The following ESCO1 variants were observed in gnomAD, a reference collection of about 807,000 sequenced individuals.
ESCO1 encodes the protein establishment of sister chromatid cohesion N-acetyltransferase 1.
Under a neutral mutation model 83.5 loss-of-function variants are expected in ESCO1, and 33 were observed. The ratio of observed to expected loss-of-function variants is 0.40; its 90% confidence interval spans 0.30 to 0.53. The LOEUF (loss-of-function observed/expected upper bound fraction) is 0.53. Ranked by LOEUF, ESCO1 falls within the 20% of genes least tolerant of loss-of-function variation. The probability of loss-of-function intolerance (pLI) is 0.63; values close to 1 mark genes in which losing one functional copy is unlikely to be tolerated. For missense variants in ESCO1, 855 were observed against 968.0 expected (o/e 0.88, Z 1.55); for synonymous variants, 332 against 324.3 (o/e 1.02, Z -0.25).
chr18:21,532,716 A>G, intron 10 of ESCO1, 56 bp from the exon 11 acceptor site: 1 of 1,540,810 alleles, frequency 6.5e-7, no homozygotes, highest in Admixed American at 1.8e-5. Flanking sequence ...TTAGCAACTA[A>G]TACTGATCTG....
chr18:21,587,663 G>A (rs1285669681), intron 1 of ESCO1, among the ~76,000 whole-genome samples: 1 of 152,232 alleles, frequency 6.6e-6, no homozygotes, highest in East Asian at 1.9e-4. Flanking sequence ...GTAGCCAGGT[G>A]TAGTAGCTCA....
intron 1 of ESCO1, among the ~76,000 whole-genome samples, chr18:21,600,375 G>A (rs1454974105): frequency 6.6e-6 from 1 of 152,256 alleles, no homozygotes; most frequent in Non-Finnish European, 1.5e-5. Context: ...GCAAACAGCG[G>A]CAGGTGGTGC....
intron 4 of ESCO1, among the ~76,000 whole-genome samples, chr18:21,569,028 T>C (rs9960667): frequency 0.01 from 1,598 of 152,338 alleles, 34 homozygotes; most frequent in African/African-American, 0.036. Flanking sequence ...ATATTCCTAC[T>C]GGATAGTGCT....
chr18:21,599,326 G>C (rs777411561), intron 1 of ESCO1, among the ~76,000 whole-genome samples: 9 of 152,210 alleles, frequency 5.9e-5, no homozygotes, highest in Non-Finnish European at 1.5e-5. Flanking sequence ...CTGGGCGACA[G>C]AGCGAGACCC....
At chr18:21,579,152 G>A (rs1044026690) in intron 2 of ESCO1, among the ~76,000 whole-genome samples, 2 of 151,586 alleles carry the variant, frequency 1.3e-5, no homozygotes, top group African/African-American at 4.8e-5. Flanking sequence ...GAGCCACTGC[G>A]CCTGGCCTTT....
intron 1 of ESCO1, among the ~76,000 whole-genome samples, chr18:21,595,174 A>G (rs567907908): frequency 6.6e-6 from 1 of 152,134 alleles, no homozygotes; most frequent in East Asian, 1.9e-4. Flanking sequence ...TTTTAAACAT[A>G]TATTATGATA....
intron 1 of ESCO1, among the ~76,000 whole-genome samples, chr18:21,585,934 T>C (rs2038569671): frequency 6.6e-6 from 1 of 152,270 alleles, no homozygotes; most frequent in Non-Finnish European, 1.5e-5. Flanking sequence ...ATTACACATA[T>C]TTCTGGGGTA....
At chr18:21,576,941 G>A (rs1238394043) in intron 2 of ESCO1, among the ~76,000 whole-genome samples, 3 of 152,154 alleles carry the variant, frequency 2.0e-5, no homozygotes, top group African/African-American at 7.2e-5. Context: ...GCTGAAGCAG[G>A]AGAATCGCTT....
rs2038176972 is a variant in ESCO1 at position 21,560,913 on chromosome 18, A to G, written c.1899T>C (p.Asp633=). 4.4e-6 allele frequency: 7 copies of G among 1,606,056 alleles called. No individual in the cohort carries two copies. Among genetic ancestry groups the G allele is most frequent in the Non-Finnish European group, 5.9e-6 (7 of 1,177,320 alleles). Residue 633 remains aspartate, a synonymous_variant, in exon 8 of 12, where the codon GAT becomes GAC. Transcript: ENST00000269214. ...TGTGGAAAAGCAGATGCTGTGTTTCATCTTCTGGATTTGAAGCTGTATACA... is the reference window on the plus strand; with the variant it reads ...TGTGGAAAAGCAGATGCTGTGTTTCGTCTTCTGGATTTGAAGCTGTATACA... ...GMLYTASNPE[D]ETQHLLFHNQ... is the part of the protein sequence containing the mutation.
chr18:21,598,379 C>T (rs2038794321), intron 1 of ESCO1, among the ~76,000 whole-genome samples: 1 of 152,068 alleles, frequency 6.6e-6, no homozygotes, highest in Admixed American at 6.6e-5. Flanking sequence ...AATTTAAATG[C>T]CAGCACCTTG....
chr18:21,575,873 A>G, intron 2 of ESCO1, 96 bp from the exon 3 acceptor site: 1 of 389,404 alleles, frequency 2.6e-6, no homozygotes. Context: ...CCATAATTTC[A>G]TCCTGTCCTA....
intron 8 of ESCO1, among the ~76,000 whole-genome samples, chr18:21,560,001 G>A (rs1046836478): frequency 2.0e-5 from 3 of 151,896 alleles, no homozygotes; most frequent in African/African-American, 7.3e-5. Context: ...GGCCAATAAA[G>A]ACCTTTAAAT....
chr18:21,584,597 G>C (rs1035900512), intron 1 of ESCO1, among the ~76,000 whole-genome samples, 157 bp from the exon 2 acceptor site: 2 of 152,084 alleles, frequency 1.3e-5, no homozygotes, highest in Admixed American at 6.6e-5. Context: ...AAGGATCAAG[G>C]ATCGCTTGAG....
intron 8 of ESCO1, among the ~76,000 whole-genome samples, chr18:21,544,271 C>T (rs1375780681): frequency 1.3e-5 from 2 of 150,044 alleles, no homozygotes; most frequent in Non-Finnish European, 3.0e-5. Context: ...GAGACTCCAA[C>T]TCAAAACAAA....
Position 21,575,373 on chromosome 18 carries a change from ACCT to A in ESCO1, c.-533_-531del, listed in dbSNP as rs1254555956. The A allele has an allele frequency of 2.5e-6, 1 of 397,852 alleles. No individual in the cohort carries two copies. Among genetic ancestry groups the A allele is most frequent in the Non-Finnish European group, 4.4e-6 (1 of 225,746 alleles). 24.6% of individuals were successfully genotyped at this position (397,852 alleles called of 1,614,324 possible). A position where few individuals can be genotyped will look rare whatever the true frequency, so the allele number is the denominator to read the frequency against. Reference sequence around the variant, plus strand: ...TCTGTTGGTTTGCAGTTCTTATCTAACCTCCTTTGTTCAACAAAATATTCTATT... The same window carrying A: ...TCTGTTGGTTTGCAGTTCTTATCTAACCTTTGTTCAACAAAATATTCTATT... On this transcript the variant is annotated 5_prime_UTR_variant, in exon 4 of 12. Coordinates refer to ENST00000269214, the MANE Select transcript of ESCO1 (RefSeq NM_052911.3).
chr18:21,555,474 T>C (rs2038101271), intron 8 of ESCO1, among the ~76,000 whole-genome samples: 1 of 152,180 alleles, frequency 6.6e-6, no homozygotes, highest in East Asian at 1.9e-4. Flanking sequence ...TAAGGGATGT[T>C]GACAGTGAGG....
At chr18:21,590,464 C>G (rs1460648338) in intron 1 of ESCO1, among the ~76,000 whole-genome samples, 6 of 151,672 alleles carry the variant, frequency 4.0e-5, no homozygotes, top group Non-Finnish European at 8.8e-5. Context: ...TCGTGATCCG[C>G]CCGCCTCAGC....
intron 1 of ESCO1, among the ~76,000 whole-genome samples, chr18:21,596,472 G>A (rs930713115): frequency 1.3e-5 from 2 of 152,092 alleles, no homozygotes; most frequent in Non-Finnish European, 2.9e-5. Context: ...CAGTGCTTAA[G>A]TGTTAGCTAT....
chr18:21,531,758 T>TG (rs559315706), intron 11 of ESCO1, among the ~76,000 whole-genome samples: 20 of 151,462 alleles, frequency 1.3e-4, no homozygotes, highest in Non-Finnish European at 2.7e-4. Flanking sequence ...GTTCGAGAGG[T>TG]GGTGGGTGCC....
Sources: gnomAD v4.1 joint callset for allele counts (sites outside exome capture counted in the v4.1 genomes callset) on GRCh38, gnomAD v4.1.1 for gene constraint, MANE v1.5 for transcripts, NCBI Gene and HGNC (gene_info 2026-07-23, HGNC 2026-07-21) for gene names.